The following RPTOR variants were observed in gnomAD, a reference collection of about 807,000 sequenced individuals.
RPTOR encodes regulatory associated protein of MTOR complex 1.
RPTOR carries 21 observed loss-of-function variants against 169.9 expected under a neutral mutation model. The ratio of observed to expected loss-of-function variants is 0.12; its 90% CI spans 0.09 to 0.18. RPTOR has a LOEUF of 0.18. Ranked by LOEUF, RPTOR falls within the 10% of genes least tolerant of loss-of-function variation. The pLI, the probability that RPTOR is intolerant of heterozygous loss-of-function variation, is 1.00. For synonymous variants in RPTOR, 732 were observed against 753.2 expected (o/e 0.97, Z 0.46); for missense variants, 1,133 against 1,855.9 (o/e 0.61, Z 7.16).
chr17:80,621,576 T>C (rs2065354907), intron 1 of RPTOR, among the ~76,000 whole-genome samples: 1 of 152,090 alleles, frequency 6.6e-6, no homozygotes, highest in Non-Finnish European at 1.5e-5. Context: ...GCTGCCCCAC[T>C]TGCTCGCTCC....
rs940403496 is a variant in RPTOR at position 80,821,788 on chromosome 17, C to G, written c.891-413C>G. On this transcript the variant is annotated intron_variant, in intron 7 of 33. Transcript: ENST00000306801. ...AGTAGACCTTGCGGGCGAGACTCCTCCCAGCATGGACGGTGTACTTCCACA... is the reference window on the plus strand; with the variant it reads ...AGTAGACCTTGCGGGCGAGACTCCTGCCAGCATGGACGGTGTACTTCCACA... Among the ~76,000 whole-genome samples the G allele has an allele frequency of 2.0e-5, 3 of 152,210 alleles. No homozygotes were observed. In the East Asian group the frequency reaches 5.8e-4, roughly 29 times the overall value.
At chr17:80,919,879 A>G (rs1024746848) in intron 21 of RPTOR, among the ~76,000 whole-genome samples, 1 of 152,216 alleles carries the variant, frequency 6.6e-6, no homozygotes, top group Non-Finnish European at 1.5e-5. Flanking sequence ...GCATGTTTGC[A>G]CACCCTTGAC....
intron 5 of RPTOR, among the ~76,000 whole-genome samples, chr17:80,732,087 G>T (rs1274730219): frequency 2.0e-5 from 3 of 152,086 alleles, no homozygotes; most frequent in Non-Finnish European, 2.9e-5. Context: ...CAGGGGATAG[G>T]TTATCTAATG....
chr17:80,597,951 G>A (rs2065156210), intron 1 of RPTOR, among the ~76,000 whole-genome samples: 2 of 152,086 alleles, frequency 1.3e-5, no homozygotes, highest in Admixed American at 6.5e-5. Flanking sequence ...ACCAGCCTGG[G>A]CCACATAGTG....
chr17:80,574,108 T>C (rs2064935584), intron 1 of RPTOR, among the ~76,000 whole-genome samples: 9 of 152,184 alleles, frequency 5.9e-5, no homozygotes, highest in Admixed American at 5.9e-4. Flanking sequence ...TGTAAAAAAA[T>C]TTTTAAAGTT....
chr17:80,604,948 G>A (rs553391871), intron 1 of RPTOR, among the ~76,000 whole-genome samples: 2 of 151,744 alleles, frequency 1.3e-5, no homozygotes, highest in South Asian at 4.2e-4. Context: ...TTTTTGAGAG[G>A]GTGGGTCTTA....
chr17:80,744,317 T>G (rs368766925), intron 5 of RPTOR, among the ~76,000 whole-genome samples: 3 of 103,674 alleles, frequency 2.9e-5, no homozygotes, highest in East Asian at 2.4e-4. Flanking sequence ...CCCTGGTTAC[T>G]AGCACAGCCC....
chr17:80,711,630 T>C (rs1185522964), intron 4 of RPTOR, among the ~76,000 whole-genome samples: 1 of 152,212 alleles, frequency 6.6e-6, no homozygotes, highest in Non-Finnish European at 1.5e-5. Context: ...CTGTTCCTTA[T>C]GCGTTTTTAG....
At chr17:80,892,708 G>A (rs1567971991) in intron 18 of RPTOR, 21 bp from the exon 19 acceptor site, 1 of 1,610,566 alleles carries the variant, frequency 6.2e-7, no homozygotes, top group Middle Eastern at 1.7e-4. Context: ...ATTGTAATTT[G>A]TCTTTCTCCT....
chr17:80,898,912 A>G (rs1343587352), intron 20 of RPTOR, among the ~76,000 whole-genome samples: 1 of 151,988 alleles, frequency 6.6e-6, no homozygotes, highest in Non-Finnish European at 1.5e-5. Context: ...AAACAGACGC[A>G]GGGCATCCGC....
chr17:80,904,729 G>C (rs967319492), intron 20 of RPTOR, among the ~76,000 whole-genome samples: 1 of 152,086 alleles, frequency 6.6e-6, no homozygotes, highest in Non-Finnish European at 1.5e-5. Flanking sequence ...GAAGTTCTCT[G>C]CGGTCTGTTT....
chr17:80,852,006 C>T (rs1025956386), intron 11 of RPTOR, among the ~76,000 whole-genome samples: 7 of 152,172 alleles, frequency 4.6e-5, no homozygotes, highest in Admixed American at 1.3e-4. Context: ...GACCTGCCTC[C>T]TCTCCTCTCC....
chr17:80,957,472 G>T lies in RPTOR; in HGVS notation c.3371-152G>T, dbSNP rs2069267046. The T allele has an allele frequency of 2.9e-6, 2 of 687,782 alleles. No homozygotes were observed. The highest frequency in any genetic ancestry group is 5.2e-6 in the Non-Finnish European group (2 of 384,064). The allele number at this position is 687,782 out of a possible 1,614,324, so 42.6% of individuals were successfully genotyped here. Reference sequence around the variant, plus strand: ...GGGCACACCAGGGTCCCTAGCGGGAGCTCATATGAGGCATATGGACCCACC... The same window carrying T: ...GGGCACACCAGGGTCCCTAGCGGGATCTCATATGAGGCATATGGACCCACC... On this transcript the variant is annotated intron_variant, in intron 28 of 33. Transcript: ENST00000306801. This position sits in a 1 kb window ranked among gnomAD's most constrained non-coding sequence, Gnocchi z 4.6.
chr17:80,679,015 C>T (rs998305938), intron 3 of RPTOR, among the ~76,000 whole-genome samples: 1 of 152,254 alleles, frequency 6.6e-6, no homozygotes, highest in Non-Finnish European at 1.5e-5. Flanking sequence ...CAAGAAGTGG[C>T]CTCTGCTTCT....
intron 2 of RPTOR, among the ~76,000 whole-genome samples, chr17:80,634,906 C>T (rs111374451): frequency 1.5e-3 from 221 of 146,194 alleles, no homozygotes; most frequent in African/African-American, 5.1e-3. Context: ...ATAGTGTGTG[C>T]GTGTGCATAC....
chr17:80,548,078 CTTTTTTTTTTTTTTT>C (rs55928458), intron 1 of RPTOR, among the ~76,000 whole-genome samples: 1 of 102,782 alleles, frequency 9.7e-6, no homozygotes, highest in Non-Finnish European at 2.0e-5. Flanking sequence ...TTTTCTGTTT[CTTTTTTTTTTTTTTT>C]TTTTTTGAGA....
At position 80,545,588 on chromosome 17, in the gene RPTOR, G is replaced by C. The variant is rs747554305; in HGVS notation, c.-42G>C. On this transcript the variant is annotated 5_prime_UTR_variant, in exon 1 of 34. Transcript: ENST00000306801. ...CTAGTTTTTAAGGCTGGAGGTTCTC[G>C]AGCGCTTGCTGCCAAGGACTCCCCC... 11 of 1,505,232 alleles carry C rather than the reference G, an allele frequency of 7.3e-6. No homozygotes were observed. Among genetic ancestry groups the C allele is most frequent in the Non-Finnish European group, 9.9e-6 (11 of 1,108,772 alleles). 93.2% of individuals were successfully genotyped at this position (1,505,232 alleles called of 1,614,324 possible).
chr17:80,573,396 T>C (rs1450395675), intron 1 of RPTOR, among the ~76,000 whole-genome samples: 1 of 152,194 alleles, frequency 6.6e-6, no homozygotes, highest in African/African-American at 2.4e-5. Context: ...TCCACACACA[T>C]GGCATATCTC....
chr17:80,884,438 G>A (rs770415741), intron 16 of RPTOR, among the ~76,000 whole-genome samples: 5 of 152,184 alleles, frequency 3.3e-5, no homozygotes, highest in South Asian at 2.1e-4. Context: ...TCTTCCCACC[G>A]GCCTGTGCAG....
Sources: gnomAD v4.1 joint callset for allele counts (sites outside exome capture counted in the v4.1 genomes callset) on GRCh38, gnomAD v4.1.1 for gene constraint, Gnocchi (gnomAD v3.1) non-coding constraint, MANE v1.5 for transcripts, NCBI Gene and HGNC (gene_info 2026-07-23, HGNC 2026-07-21) for gene names.